FHAD1: variants seen among roughly 807,000 people sequenced by gnomAD.
FHAD1 encodes the protein forkhead-associated domain-containing protein 1.
Under a neutral mutation model 191.3 loss-of-function variants are expected in FHAD1, and 146 were observed. The ratio of observed to expected loss-of-function variants is 0.76; its 90% CI spans 0.67 to 0.88. FHAD1 has a LOEUF of 0.88. Among genes scored for constraint, FHAD1 ranks in the 40% least tolerant of loss-of-function variants. The pLI is 0.00. For missense variants in FHAD1, 1,635 were observed against 1,785.8 expected (o/e 0.92, Z 1.52); for synonymous variants, 616 against 672.3 (o/e 0.92, Z 1.29).
rs1012646814 is a variant in FHAD1 at position 15,301,241 on chromosome 1, C to G, written c.715C>G (p.Arg239Gly). ...IILLLGKEVS[R>G]LSDYEIESKY... ...TCTGCTGCTGGGAAAAGAGGTCAGC[C>G]GTCTCTCAGATTATGAAATTGAATC... Residue 239 changes from arginine to glycine, a missense_variant, in exon 6 of 34, where the codon CGT becomes GGT. Transcript: ENST00000688493. 6.4e-7 allele frequency: 1 copy of G among 1,551,668 alleles called. No individual in the cohort carries two copies. The highest frequency in any genetic ancestry group is 2.4e-5 in the East Asian group (1 of 40,922).
Position 15,331,685 on chromosome 1 carries a change from AGGAAGGCAGGAG to A in FHAD1, c.1906+2156_1906+2167del, listed in dbSNP as rs1216800795. On this transcript the variant is annotated intron_variant, in intron 14 of 33. Coordinates refer to ENST00000688493, the MANE Select transcript of FHAD1 (RefSeq NM_001391957.1). ...AGGGAAGGCAGGAGGGAAGGCAGGA[AGGAAGGCAGGAG>A]GGAAGGCAGGAAGGAAGGCAGGAGG... Among the ~76,000 whole-genome samples, 18 of 142,790 alleles carry A rather than the reference AGGAAGGCAGGAG, an allele frequency of 1.3e-4. No homozygotes were observed. The South Asian group carries it at 4.0e-3, about 32-fold the overall frequency. The allele number at this position is 142,790 out of a possible 152,430, so 93.7% of individuals were successfully genotyped here.
chr1:15,270,164 G>T (rs1306528006), intron 2 of FHAD1, among the ~76,000 whole-genome samples: 1 of 152,166 alleles, frequency 6.6e-6, no homozygotes, highest in East Asian at 1.9e-4. Flanking sequence ...GCCCGCCCTG[G>T]CCTCCCAAAG....
rs552230418 is a variant in FHAD1 at position 15,352,035 on chromosome 1, A to G, written c.2455-842A>G. Reference sequence around the variant, plus strand: ...TTTTCATTCATTTTTCTTTTTGCCAATAATACCTGTGCATTAAAGAAAATT... The same window carrying G: ...TTTTCATTCATTTTTCTTTTTGCCAGTAATACCTGTGCATTAAAGAAAATT... On this transcript the variant is annotated intron_variant, in intron 19 of 33. Transcript: ENST00000688493. 4.6e-5 allele frequency among the ~76,000 whole-genome samples: 7 copies of G among 152,262 alleles called. No homozygotes were observed. The East Asian group carries it at 5.8e-4, about 13-fold the overall frequency.
rs140807188 is a variant in FHAD1, at chr1:15,397,698, C to T, written c.*285C>T. On this transcript the variant is annotated 3_prime_UTR_variant, in exon 34 of 34. Transcript: ENST00000688493. ...CTGGTAGATATAATTATGTGGTCCA[C>T]GTTGGGTCATGATGTTCCCAAATAT... 1.1e-4 allele frequency: 24 copies of T among 210,350 alleles called. No homozygotes were observed. Among genetic ancestry groups the T allele is most frequent in the African/African-American group, 5.0e-4 (22 of 44,044 alleles). The allele number at this position is 210,350 out of a possible 1,614,324, so 13.0% of individuals were successfully genotyped here. A position where few individuals can be genotyped will look rare whatever the true frequency, so the allele number is the denominator to read the frequency against.
chr1:15,326,684 T>C (rs1045197596), intron 11 of FHAD1: 3 of 169,964 alleles, frequency 1.8e-5, no homozygotes, highest in African/African-American at 7.1e-5. Context: ...TTACTTGGAC[T>C]GACAGCCTCA....
In FHAD1 at chr1:15,267,866, AAATAT is replaced by A. The variant is rs1030917726; in HGVS notation, c.94-4449_94-4445del. Among the ~76,000 whole-genome samples, 22 of 147,608 alleles carry A rather than the reference AAATAT, an allele frequency of 1.5e-4. No individual in the cohort carries two copies. In the East Asian group the frequency reaches 3.1e-3, roughly 21 times the overall value. On this transcript the variant is annotated intron_variant, in intron 2 of 33. Transcript: ENST00000688493. ...ATAAAATAAATATTTTATATATTAT[AAATAT>A]AATATAAATATATTGATATGATATA...
intron 15 of FHAD1, among the ~76,000 whole-genome samples, chr1:15,340,266 A>G (rs1350277162): frequency 6.6e-6 from 1 of 152,258 alleles, no homozygotes; most frequent in African/African-American, 2.4e-5. Context: ...TCATTCTGAT[A>G]GCTATTGCCA....
At chr1:15,303,810 C>T (rs969040985) in intron 6 of FHAD1, among the ~76,000 whole-genome samples, 1 of 151,192 alleles carries the variant, frequency 6.6e-6, no homozygotes. Flanking sequence ...GATCATGCCA[C>T]CACACTTTAG....
chr1:15,346,842 C>G (rs570846580), intron 18 of FHAD1, among the ~76,000 whole-genome samples: 1 of 152,224 alleles, frequency 6.6e-6, no homozygotes, highest in Non-Finnish European at 1.5e-5. Flanking sequence ...CCTCCCTTCT[C>G]GAAGGGGCGG....
At chr1:15,270,999 C>T (rs899882100) in intron 2 of FHAD1, among the ~76,000 whole-genome samples, 11 of 152,084 alleles carry the variant, frequency 7.2e-5, no homozygotes, top group African/African-American at 2.2e-4. Context: ...ATTAGCCAGG[C>T]GTGGTGGCAG....
intron 4 of FHAD1, among the ~76,000 whole-genome samples, chr1:15,291,374 G>A (rs531748664): frequency 5.8e-4 from 88 of 152,150 alleles, no homozygotes; most frequent in Middle Eastern, 6.8e-3. Flanking sequence ...AGCCAACCAC[G>A]CCTGGCCCAT....
intron 20 of FHAD1, among the ~76,000 whole-genome samples, chr1:15,357,405 A>G (rs1693173252): frequency 6.6e-6 from 1 of 152,088 alleles, no homozygotes; most frequent in South Asian, 2.1e-4. Flanking sequence ...CAGGCGGATC[A>G]CGAGGTCAAG....
chr1:15,347,184 T>C (rs1346832975), intron 18 of FHAD1, among the ~76,000 whole-genome samples: 1 of 152,196 alleles, frequency 6.6e-6, no homozygotes, highest in African/African-American at 2.4e-5. Context: ...AAGTGATTTC[T>C]CCAGGGGTGG....
intron 25 of FHAD1, among the ~76,000 whole-genome samples, chr1:15,367,978 G>A (rs1393199751): frequency 1.3e-5 from 2 of 151,946 alleles, no homozygotes; most frequent in Non-Finnish European, 2.9e-5. Flanking sequence ...TTGTTTGTTT[G>A]TTTTTTTGAG....
rs1434273347 is a variant in FHAD1 at position 15,360,557 on chromosome 1, G to A, written c.2816G>A (p.Gly939Glu). ...GATGAGCAGGAATCACAGAGACACG[G>A]GTTTGAAGAAGAGATCATGGAATAT... Reference protein sequence around the residue: ...LQDEQESQRHGFEEEIMEYKE... With the variant: ...LQDEQESQRHEFEEEIMEYKE... The change falls in exon 22 of 34, where the codon GGG (glycine) becomes GAG (glutamate). Residue 939 changes from glycine (G) to glutamate (E), a missense_variant. Physicochemically the swap from Gly to Glu is moderately conservative, Grantham distance 98 (BLOSUM62 -2). Transcript: ENST00000688493. 6.4e-7 allele frequency: 1 copy of A among 1,552,106 alleles called. No individual in the cohort carries two copies. The highest frequency in any genetic ancestry group is 8.7e-7 in the Non-Finnish European group (1 of 1,147,078).
chr1:15,332,167 CTCA>C (rs1169047933), intron 14 of FHAD1, among the ~76,000 whole-genome samples: 1 of 152,158 alleles, frequency 6.6e-6, no homozygotes. Flanking sequence ...GAACCTTCCC[CTCA>C]TCATATAGCA....
At chr1:15,290,856 C>T (rs1332429996) in intron 4 of FHAD1, among the ~76,000 whole-genome samples, 1 of 150,998 alleles carries the variant, frequency 6.6e-6, no homozygotes, top group Non-Finnish European at 1.5e-5. Flanking sequence ...CTACAGGCTC[C>T]TGCCACTATA....
At chr1:15,382,431 A>AT (rs1026864529) in intron 31 of FHAD1, among the ~76,000 whole-genome samples, 1 of 151,942 alleles carries the variant, frequency 6.6e-6, no homozygotes, top group Non-Finnish European at 1.5e-5. Flanking sequence ...GCTCATCTGT[A>AT]TTTTTTTTAA....
rs773564684 is a variant in FHAD1 at position 15,316,216 on chromosome 1, G to A, written c.1171-162G>A. Reference sequence around the variant, plus strand: ...AACAGCTTTGGGATCCTGTGTGCCCGTCAGACACCATGGGATGCCTTTTGG... The same window carrying A: ...AACAGCTTTGGGATCCTGTGTGCCCATCAGACACCATGGGATGCCTTTTGG... On this transcript the variant is annotated intron_variant, in intron 8 of 33. Transcript: ENST00000688493. The surrounding 1 kb of genome is among the most constrained non-coding windows in gnomAD (Gnocchi z 4.3). 2.0e-5 allele frequency among the ~76,000 whole-genome samples: 3 copies of A among 152,238 alleles called. No individual in the cohort carries two copies. The highest frequency in any genetic ancestry group is 4.8e-5 in the African/African-American group (2 of 41,462).
Sources: allele counts gnomAD v4.1 joint callset (sites outside exome capture counted in the v4.1 genomes callset), GRCh38; gene constraint gnomAD v4.1.1; non-coding constraint Gnocchi (gnomAD v3.1); transcripts MANE v1.5; gene names NCBI Gene and HGNC (gene_info 2026-07-23, HGNC 2026-07-21).